The following FAM227B variants were observed in gnomAD, a reference collection of about 807,000 sequenced individuals.
FAM227B encodes family with sequence similarity 227 member B.
A neutral mutation model predicts 73.8 loss-of-function variants in FAM227B; 88 were observed. That is an observed-to-expected ratio of 1.19 (90% CI 1.00 to 1.42). The LOEUF (loss-of-function observed/expected upper bound fraction) is 1.42, where lower values mean the gene tolerates loss of function less well. Ranked by LOEUF, FAM227B falls within the 40% of genes most tolerant of loss-of-function variation. The probability of loss-of-function intolerance (pLI) is 0.00; values close to 1 mark genes in which losing one functional copy is unlikely to be tolerated. For synonymous variants in FAM227B, 210 were observed against 190.5 expected (o/e 1.10, Z -0.84); for missense variants, 632 against 590.9 (o/e 1.07, Z -0.72).
intron 11 of FAM227B, among the ~76,000 whole-genome samples, chr15:49,460,927 G>T (rs1434785820): frequency 6.6e-6 from 1 of 152,172 alleles, no homozygotes; most frequent in Non-Finnish European, 1.5e-5. Context: ...AAGGAATACT[G>T]TCCAAGCCAA....
intron 10 of FAM227B, among the ~76,000 whole-genome samples, chr15:49,539,654 T>C (rs1250328720): frequency 6.6e-6 from 1 of 152,160 alleles, no homozygotes; most frequent in Non-Finnish European, 1.5e-5. Context: ...GGTGTTGCAG[T>C]GGGTCCAGTG....
At chr15:49,415,526 A>G (rs2049152250) in intron 11 of FAM227B, among the ~76,000 whole-genome samples, 1 of 152,194 alleles carries the variant, frequency 6.6e-6, no homozygotes, top group Non-Finnish European at 1.5e-5. Flanking sequence ...AAGTGGAAAA[A>G]AAAACCCAAA....
At chr15:49,351,527 T>G (rs1210762643) in intron 13 of FAM227B, among the ~76,000 whole-genome samples, 3 of 152,254 alleles carry the variant, frequency 2.0e-5, no homozygotes, top group Non-Finnish European at 4.4e-5. Context: ...AGAAAAGTAG[T>G]GAGCAATCAA....
chr15:49,423,037 A>G (rs1279677850), intron 11 of FAM227B: 1 of 227,706 alleles, frequency 4.4e-6, no homozygotes, highest in South Asian at 7.9e-5. Context: ...CTTCAGAACC[A>G]GAGATCTGTT....
chr15:49,335,183 C>T (rs567432806), intron 14 of FAM227B, among the ~76,000 whole-genome samples: 5 of 152,254 alleles, frequency 3.3e-5, no homozygotes, highest in African/African-American at 1.2e-4. Context: ...GGGGTGCACC[C>T]CTCCAGTCAC....
intron 13 of FAM227B, among the ~76,000 whole-genome samples, chr15:49,358,035 C>G (rs1227042451): frequency 2.0e-5 from 3 of 152,076 alleles, no homozygotes; most frequent in African/African-American, 7.3e-5. Context: ...CAAAATTCAA[C>G]AACCCTTCAT....
chr15:49,524,251 T>C (rs2059990993), intron 10 of FAM227B, among the ~76,000 whole-genome samples: 2 of 152,134 alleles, frequency 1.3e-5, no homozygotes, highest in African/African-American at 4.8e-5. Context: ...GGCCCAGGGC[T>C]CCCTGCTCTG....
At chr15:49,344,399 CA>C (rs1488576819) in intron 13 of FAM227B, 1 of 152,120 alleles carries the variant, frequency 6.6e-6, no homozygotes, top group Non-Finnish European at 1.5e-5. Context: ...CAAAAGGTTA[CA>C]CTGAATGTAC....
chr15:49,567,560 T>G (rs926340559), intron 9 of FAM227B, among the ~76,000 whole-genome samples: 3 of 152,156 alleles, frequency 2.0e-5, no homozygotes, highest in Non-Finnish European at 4.4e-5. Flanking sequence ...AAAGACACCT[T>G]TTTATTTTGG....
chr15:49,349,409 G>A (rs976555584), intron 13 of FAM227B, among the ~76,000 whole-genome samples: 1 of 152,126 alleles, frequency 6.6e-6, no homozygotes, highest in Non-Finnish European at 1.5e-5. Flanking sequence ...AGCTTCAAGT[G>A]TAAGCCATCA....
At chr15:49,439,891 G>C (rs1356718674) in intron 11 of FAM227B, among the ~76,000 whole-genome samples, 4 of 151,750 alleles carry the variant, frequency 2.6e-5, no homozygotes, top group African/African-American at 9.7e-5. Flanking sequence ...TGAGATCATA[G>C]AGTCCAGAGA....
At chr15:49,373,892 T>C (rs2045995965) in intron 11 of FAM227B, among the ~76,000 whole-genome samples, 1 of 152,132 alleles carries the variant, frequency 6.6e-6, no homozygotes, top group South Asian at 2.1e-4. Flanking sequence ...TTAGAATATA[T>C]GTAATTAAAA....
chr15:49,381,150 G>A (rs2046508415), intron 11 of FAM227B, among the ~76,000 whole-genome samples: 3 of 152,076 alleles, frequency 2.0e-5, no homozygotes, highest in Admixed American at 6.5e-5. Flanking sequence ...ATCACCACAG[G>A]GATGGTGGTA....
At chr15:49,610,136 A>C (rs562144266) in intron 3 of FAM227B, among the ~76,000 whole-genome samples, 1 of 152,082 alleles carries the variant, frequency 6.6e-6, no homozygotes, top group South Asian at 2.1e-4. Flanking sequence ...AAATAATTAG[A>C]ATTTTTTATT....
At chr15:49,549,716 C>A (rs2072520061) in intron 9 of FAM227B, among the ~76,000 whole-genome samples, 1 of 152,104 alleles carries the variant, frequency 6.6e-6, no homozygotes, top group Non-Finnish European at 1.5e-5. Flanking sequence ...CCCATGTCTA[C>A]CTCTTTCTAC....
intron 3 of FAM227B, among the ~76,000 whole-genome samples, chr15:49,597,163 A>C (rs889957918): frequency 6.6e-6 from 1 of 152,076 alleles, no homozygotes; most frequent in Non-Finnish European, 1.5e-5. Flanking sequence ...ACAAATGCAG[A>C]ATATACATTC....
At chr15:49,430,565 T>G (rs2050518372) in intron 11 of FAM227B, among the ~76,000 whole-genome samples, 1 of 151,814 alleles carries the variant, frequency 6.6e-6, no homozygotes, top group South Asian at 2.1e-4. Context: ...GAAAAGAAAT[T>G]TATTCTTCAC....
chr15:49,371,501 G>C (rs370455293), intron 11 of FAM227B, 102 bp from the exon 12 acceptor site: 5 of 578,736 alleles, frequency 8.6e-6, no homozygotes, highest in East Asian at 5.9e-5. Flanking sequence ...CCCTAAACAT[G>C]GAGAAAGGCA....
At chr15:49,422,837 T>C (rs933172991) in intron 11 of FAM227B, 7 of 752,766 alleles carry the variant, frequency 9.3e-6, no homozygotes, top group East Asian at 2.7e-5. Flanking sequence ...AGTTAACACA[T>C]ACCAGTTTTG....
Sources: allele counts gnomAD v4.1 joint callset (sites outside exome capture counted in the v4.1 genomes callset), GRCh38; gene constraint gnomAD v4.1.1; transcripts MANE v1.5; gene names NCBI Gene and HGNC (gene_info 2026-07-23, HGNC 2026-07-21).